PCDHA1: variants seen among roughly 807,000 people sequenced by gnomAD.
PCDHA1 encodes the protein protocadherin alpha-1.
Under a neutral mutation model 61.3 loss-of-function variants are expected in PCDHA1, and 42 were observed. The ratio of observed to expected loss-of-function variants is 0.69; its 90% CI spans 0.54 to 0.89. The LOEUF (loss-of-function observed/expected upper bound fraction) is 0.89. PCDHA1 is among the 40% of genes least tolerant of loss of function. The pLI is 0.00. For synonymous variants in PCDHA1, 610 were observed against 553.8 expected (o/e 1.10, Z -1.43); for missense variants, 1,256 against 1,235.3 (o/e 1.02, Z -0.25).
intron 1 of PCDHA1, among the ~76,000 whole-genome samples, chr5:140,903,580 G>T (rs2070406453): frequency 6.6e-6 from 1 of 152,154 alleles, no homozygotes; most frequent in South Asian, 2.1e-4. Context: ...CTGTCTAGCT[G>T]GTGTTGGCCT....
intron 1 of PCDHA1, chr5:140,858,018 C>G (rs1562532510): frequency 6.3e-7 from 1 of 1,596,908 alleles, no homozygotes; most frequent in Non-Finnish European, 8.6e-7. Flanking sequence ...GGCGAGCCGT[C>G]GCTGACGGCC....
chr5:140,847,163 A>G (rs1242348309), intron 1 of PCDHA1, among the ~76,000 whole-genome samples: 1 of 149,646 alleles, frequency 6.7e-6, no homozygotes, highest in Non-Finnish European at 1.5e-5. Flanking sequence ...TTTCTGAGTA[A>G]TAAACTAAAG....
chr5:140,869,249 C>T (rs1554162740), intron 1 of PCDHA1: 2 of 1,613,496 alleles, frequency 1.2e-6, no homozygotes, highest in Admixed American at 3.3e-5. Flanking sequence ...GGCCGCATCG[C>T]GCAGGACCTG....
In PCDHA1 at chr5:140,966,446, C is replaced by T. The variant is rs2096003680; in HGVS notation, c.2395-12503C>T. Reference sequence around the variant, plus strand: ...CTGAGCCCTCCTACCGCTCCCTTTCCCCCTCCCCCTCTGTCTTCCCTTCTG... The same window carrying T: ...CTGAGCCCTCCTACCGCTCCCTTTCTCCCTCCCCCTCTGTCTTCCCTTCTG... On this transcript the variant is annotated intron_variant, in intron 1 of 3. Transcript: ENST00000504120. 7 of 424,490 alleles carry T rather than the reference C, an allele frequency of 1.6e-5. No homozygotes were observed. The East Asian group carries it at 2.5e-4, about 15-fold the overall frequency. 26.3% of individuals were successfully genotyped at this position (424,490 alleles called of 1,614,324 possible).
intron 1 of PCDHA1, among the ~76,000 whole-genome samples, chr5:140,907,242 T>A (rs532344223): frequency 6.6e-6 from 1 of 152,328 alleles, no homozygotes; most frequent in African/African-American, 2.4e-5. Flanking sequence ...TAGTTGACAT[T>A]GTAATTGTGA....
chr5:140,941,597 G>T (rs2093124922), intron 1 of PCDHA1, among the ~76,000 whole-genome samples: 1 of 152,032 alleles, frequency 6.6e-6, no homozygotes, highest in Middle Eastern at 3.4e-3. Context: ...TTACAGCCAT[G>T]AGCCATGGTG....
chr5:140,828,937 T>C (rs1770037228), intron 1 of PCDHA1: 1 of 1,614,274 alleles, frequency 6.2e-7, no homozygotes, highest in Non-Finnish European at 8.5e-7. Context: ...ATTCTTTTAA[T>C]AGCCTTGTTG....
chr5:140,917,449 C>G (rs1290889939), intron 1 of PCDHA1, among the ~76,000 whole-genome samples: 1 of 152,006 alleles, frequency 6.6e-6, no homozygotes, highest in Admixed American at 6.6e-5. Context: ...GCTGCAAGAG[C>G]GTTTGGCATC....
chr5:140,857,702 G>T (rs2044803207), intron 1 of PCDHA1: 1 of 1,597,298 alleles, frequency 6.3e-7, no homozygotes, highest in African/African-American at 1.3e-5. Flanking sequence ...GACGCTGCAG[G>T]TGTTCGTGCT....
intron 3 of PCDHA1, among the ~76,000 whole-genome samples, chr5:140,994,127 A>T (rs536865883): frequency 6.6e-6 from 1 of 152,348 alleles, no homozygotes; most frequent in South Asian, 2.1e-4. Flanking sequence ...GATAAGGGCG[A>T]CAATAATGCC....
chr5:140,915,626 GTCTCTCTCTCTC>G (rs57920489), intron 1 of PCDHA1, among the ~76,000 whole-genome samples: 39 of 146,434 alleles, frequency 2.7e-4, no homozygotes, highest in African/African-American at 9.6e-4. Context: ...GTCTCTTTCT[GTCTCTCTCTCTC>G]TCTCTCTCTC....
chr5:140,999,176 T>A (rs546665453), intron 3 of PCDHA1, among the ~76,000 whole-genome samples: 1 of 152,274 alleles, frequency 6.6e-6, no homozygotes, highest in African/African-American at 2.4e-5. Context: ...AAGAGCCTGA[T>A]GGGGAGAGGG....
At chr5:141,000,361 GTCTCTCTC>G (rs148596731) in intron 3 of PCDHA1, among the ~76,000 whole-genome samples, 2,007 of 26,308 alleles carry the variant, frequency 0.076, 129 homozygotes, top group East Asian at 0.15. Context: ...GTCTCTCTCT[GTCTCTCTC>G]TCTCTCTCTC....
chr5:140,890,319 A>C (rs2062592452), intron 1 of PCDHA1, among the ~76,000 whole-genome samples: 1 of 152,206 alleles, frequency 6.6e-6, no homozygotes, highest in Admixed American at 6.5e-5. Context: ...AGTTGTTTTA[A>C]GATATTAGGT....
chr5:140,803,795 C>T, intron 1 of PCDHA1: 1 of 813,652 alleles, frequency 1.2e-6, no homozygotes, highest in Non-Finnish European at 1.9e-6. Flanking sequence ...ATGATATCCA[C>T]ACTTGTAATT....
intron 1 of PCDHA1, among the ~76,000 whole-genome samples, chr5:140,973,878 A>T (rs1440672302): frequency 6.6e-6 from 1 of 152,214 alleles, no homozygotes; most frequent in African/African-American, 2.4e-5. Context: ...GGTCAGAATA[A>T]TGTCAATTTG....
intron 1 of PCDHA1, among the ~76,000 whole-genome samples, chr5:140,939,071 G>C (rs1376380334): frequency 2.0e-5 from 3 of 152,140 alleles, no homozygotes; most frequent in African/African-American, 7.2e-5. Context: ...TATCAAAATA[G>C]CATAAACTGG....
At chr5:140,849,010 T>C in intron 1 of PCDHA1, 1 of 1,591,032 alleles carries the variant, frequency 6.3e-7, no homozygotes, top group Non-Finnish European at 8.6e-7. Context: ...ACTTACAGAC[T>C]GAGCCCCAAT....
intron 1 of PCDHA1, among the ~76,000 whole-genome samples, chr5:140,885,298 G>C (rs1328478663): frequency 6.6e-6 from 1 of 152,040 alleles, no homozygotes; most frequent in East Asian, 1.9e-4. Flanking sequence ...AGAGAGACCT[G>C]GTAGGCTTTT....
Sources: gnomAD v4.1 joint callset for allele counts (sites outside exome capture counted in the v4.1 genomes callset) on GRCh38, gnomAD v4.1.1 for gene constraint, MANE v1.5 for transcripts, NCBI Gene and HGNC (gene_info 2026-07-23, HGNC 2026-07-21) for gene names.